DMD: variants seen among roughly 807,000 people sequenced by gnomAD.
DMD encodes the protein mutant dystrophin.
In DMD, 63 loss-of-function variants were observed where a neutral mutation model predicts 330.1. The observed-to-expected ratio is 0.19, with a 90% confidence interval of 0.16 to 0.24. DMD has a LOEUF of 0.24. Ranked by LOEUF, DMD falls within the 10% of genes least tolerant of loss-of-function variation. The pLI, the probability that DMD is intolerant of heterozygous loss-of-function variation, is 1.00. For synonymous variants in DMD, 1,223 were observed against 959.8 expected (o/e 1.27, Z -5.07); for missense variants, 3,344 against 2,684.1 (o/e 1.25, Z -5.43).
chrX:32,926,524 C>A (rs768835475), intron 2 of DMD, among the ~76,000 whole-genome samples: 1 of 110,879 alleles, frequency 9.0e-6, no homozygotes, highest in Non-Finnish European at 1.9e-5. Flanking sequence ...CGGAAGCGGG[C>A]GGATTGCCTG....
At chrX:32,527,201 C>T (rs1408491412) in intron 17 of DMD, among the ~76,000 whole-genome samples, 1 of 111,684 alleles carries the variant, frequency 9.0e-6, no homozygotes, top group Non-Finnish European at 1.9e-5. Flanking sequence ...ATTTATGAAA[C>T]CAATTCTTAA....
chrX:33,246,690 T>C (rs1331474456), intron 1 of DMD, among the ~76,000 whole-genome samples: 2 of 111,289 alleles, frequency 1.8e-5, no homozygotes, highest in Non-Finnish European at 3.8e-5. Flanking sequence ...TTGTTTGTTT[T>C]GTTTTGTTTT....
chrX:31,169,644 T>C (rs375668248), intron 73 of DMD, 43 bp from the exon 74 acceptor site: 37 of 1,135,925 alleles, frequency 3.3e-5, no homozygotes, highest in Non-Finnish European at 4.4e-5. Context: ...CCCCCCCTTA[T>C]TTTGCTTTGG....
At chrX:32,031,245 C>T (rs1440408464) in intron 44 of DMD, among the ~76,000 whole-genome samples, 1 of 111,333 alleles carries the variant, frequency 9.0e-6, no homozygotes, top group Non-Finnish European at 1.9e-5. Flanking sequence ...AAGGCTGCAG[C>T]TCTAACTATC....
intron 1 of DMD, among the ~76,000 whole-genome samples, chrX:33,264,542 A>G (rs914629205): frequency 2.7e-5 from 3 of 110,902 alleles, no homozygotes; most frequent in Non-Finnish European, 5.7e-5. Context: ...GGCAGGTCCT[A>G]GTTTACCCTA....
intron 57 of DMD, among the ~76,000 whole-genome samples, chrX:31,491,492 T>C (rs775394278): frequency 1.4e-4 from 16 of 112,659 alleles, no homozygotes; most frequent in Admixed American, 1.9e-4. Flanking sequence ...AAAGCCAGGA[T>C]AATGTATTCA....
At chrX:31,126,078 T>TGAAGATGACATGATGAA (rs1171900903) in intron 78 of DMD, among the ~76,000 whole-genome samples, 1 of 111,586 alleles carries the variant, frequency 9.0e-6, no homozygotes, top group Non-Finnish European at 1.9e-5. Context: ...AGGTTTGTCA[T>TGAAGATGACATGATGAA]GAAGATGACA....
At chrX:32,341,784 A>T (rs368340058) in intron 41 of DMD, among the ~76,000 whole-genome samples, 3 of 111,927 alleles carry the variant, frequency 2.7e-5, no homozygotes, top group African/African-American at 9.7e-5. Context: ...ATTGAAGTAA[A>T]GTGAATGTAT....
chrX:31,374,469 G>A (rs1409498740), intron 60 of DMD, among the ~76,000 whole-genome samples: 8 of 108,539 alleles, frequency 7.4e-5, no homozygotes, highest in African/African-American at 1.4e-4. Flanking sequence ...TGGCACATAC[G>A]CACCATGGAA....
intron 9 of DMD, among the ~76,000 whole-genome samples, chrX:32,659,290 T>C (rs112470727): frequency 5.3e-4 from 59 of 111,996 alleles, no homozygotes; most frequent in South Asian, 5.2e-3. Flanking sequence ...GTGCTTTCTC[T>C]TTATTTATGT....
At chrX:32,637,861 T>C (rs1333888656) in intron 11 of DMD, among the ~76,000 whole-genome samples, 2 of 112,038 alleles carry the variant, frequency 1.8e-5, no homozygotes, top group African/African-American at 6.5e-5. Flanking sequence ...ATGGGGATTA[T>C]GAGAACTACA....
At chrX:32,167,227 G>T (rs1242448185) in intron 44 of DMD, among the ~76,000 whole-genome samples, 2 of 112,512 alleles carry the variant, frequency 1.8e-5, no homozygotes, top group African/African-American at 6.5e-5. Flanking sequence ...CTGAAGTATA[G>T]TGTAAATAAT....
intron 1 of DMD, among the ~76,000 whole-genome samples, chrX:33,219,102 C>T (rs1343352083): frequency 9.0e-6 from 1 of 111,381 alleles, no homozygotes. Context: ...TGACTACTAT[C>T]TTTTTGCATT....
intron 21 of DMD, among the ~76,000 whole-genome samples, chrX:32,474,935 C>T (rs942183106): frequency 1.8e-5 from 2 of 111,345 alleles, no homozygotes; most frequent in African/African-American, 6.5e-5. Flanking sequence ...TTGCCTAAGC[C>T]AATGTCTAGA....
chrX:32,859,334 G>A (rs746856789), intron 2 of DMD, among the ~76,000 whole-genome samples: 1 of 109,050 alleles, frequency 9.2e-6, no homozygotes, highest in East Asian at 2.9e-4. Flanking sequence ...TGGGCGTGGT[G>A]GCACACACCT....
chrX:31,821,604 G>A (rs750901998), intron 49 of DMD, among the ~76,000 whole-genome samples: 2 of 111,887 alleles, frequency 1.8e-5, no homozygotes, highest in African/African-American at 6.5e-5. Flanking sequence ...AACATACGCT[G>A]GGTTGTCATG....
chrX:32,575,886 T>G (rs73459779), intron 13 of DMD, among the ~76,000 whole-genome samples: 2,171 of 111,944 alleles, frequency 0.019, 53 homozygotes, highest in African/African-American at 0.066. Context: ...CAAAAAAGAC[T>G]TTCAAGTATA....
intron 9 of DMD, among the ~76,000 whole-genome samples, chrX:32,693,089 A>T (rs1166917053): frequency 9.0e-6 from 1 of 111,510 alleles, no homozygotes; most frequent in Non-Finnish European, 1.9e-5. Flanking sequence ...TATAGGTAAG[A>T]GTGATGTCAT....
intron 48 of DMD, among the ~76,000 whole-genome samples, chrX:31,853,169 C>A (rs1483706452): frequency 8.9e-6 from 1 of 112,864 alleles, no homozygotes; most frequent in Non-Finnish European, 1.9e-5. Context: ...CAGGTGTGAG[C>A]CACTGCACCT....
Sources: allele counts gnomAD v4.1 joint callset (sites outside exome capture counted in the v4.1 genomes callset), GRCh38; gene constraint gnomAD v4.1.1; transcripts MANE v1.5; gene names NCBI Gene and HGNC (gene_info 2026-07-23, HGNC 2026-07-21).